The following STRIP2 variants were observed in gnomAD, a reference collection of about 807,000 sequenced individuals.
STRIP2 encodes the protein striatin interacting protein 2, also known as striatin-interacting protein 2.
STRIP2 carries 84 observed loss-of-function variants against 107.1 expected under a neutral mutation model. That is an observed-to-expected ratio of 0.78 (90% CI 0.66 to 0.94). The LOEUF (loss-of-function observed/expected upper bound fraction) is 0.94, where lower values mean the gene tolerates loss of function less well. Among genes scored for constraint, STRIP2 ranks in the 40% least tolerant of loss-of-function variants. STRIP2 has a pLI of 0.00. For synonymous variants in STRIP2, 394 were observed against 400.4 expected (o/e 0.98, Z 0.19); for missense variants, 888 against 1,034.2 (o/e 0.86, Z 1.94).
chr7:129,477,780 G>A (rs1744598162), intron 18 of STRIP2: 2 of 245,968 alleles, frequency 8.1e-6, no homozygotes, highest in Non-Finnish European at 8.1e-6. Flanking sequence ...TAATGAGGTG[G>A]GTGATGCCAG....
intron 15 of STRIP2, 94 bp from the exon 16 acceptor site, chr7:129,464,518 C>T: frequency 7.1e-7 from 1 of 1,404,258 alleles, no homozygotes; most frequent in Non-Finnish European, 9.8e-7. Context: ...TTCTGGCTCT[C>T]TTGTGTATAT....
At chr7:129,459,278 G>A (rs1798460601) in intron 11 of STRIP2, among the ~76,000 whole-genome samples, 1 of 152,158 alleles carries the variant, frequency 6.6e-6, no homozygotes, top group South Asian at 2.1e-4. Flanking sequence ...CCTACACCAA[G>A]TGAGTACCCA....
intron 13 of STRIP2, 60 bp from the exon 14 acceptor site, chr7:129,462,906 A>C: frequency 6.8e-7 from 1 of 1,463,954 alleles, no homozygotes; most frequent in Non-Finnish European, 9.5e-7. Flanking sequence ...ACAACCAAGA[A>C]AAAAAAGCCT....
chr7:129,447,693 T>C (rs928333004), intron 3 of STRIP2, among the ~76,000 whole-genome samples: 2 of 152,240 alleles, frequency 1.3e-5, no homozygotes, highest in Non-Finnish European at 2.9e-5. Context: ...GCGGGCCTTA[T>C]GGACAGGAAT....
rs552856469 is a variant in STRIP2, at chr7:129,479,600, C to T, written c.1945-1185C>T. ...TGCCTCCTGGGTTCAAGTGATTCTC[C>T]TGCCTCAGCCTCCCAAGTAGCTGGG... On this transcript the variant is annotated intron_variant, in intron 18 of 20. Transcript: ENST00000249344. Among the ~76,000 whole-genome samples the T allele has an allele frequency of 3.2e-4, 49 of 151,344 alleles. 2 individuals are homozygous for T. In the South Asian group the frequency reaches 7.5e-3, roughly 23 times the overall value.
chr7:129,463,029 C>T lies in STRIP2; in HGVS notation c.1540C>T (p.Pro514Ser). Reference sequence around the variant, plus strand: ...CTACCAGGGAATGCTGTACAGCCTTCCGCAGTATATGGTAAGGAGATGGCT... The same window carrying T: ...CTACCAGGGAATGCTGTACAGCCTTTCGCAGTATATGGTAAGGAGATGGCT... ...ILYQGMLYSLPQYMIALLKIL... is the reference protein window; with the variant it reads ...ILYQGMLYSLSQYMIALLKIL... The change falls in exon 14 of 21, where the codon CCG becomes TCG. Residue 514 changes from proline (P) to serine (S), a missense_variant. Pro to Ser is a moderately conservative substitution (Grantham distance 74, BLOSUM62 -1). Coordinates refer to ENST00000249344, the MANE Select transcript of STRIP2 (RefSeq NM_020704.3). 1 of 1,613,716 alleles carries T rather than the reference C, an allele frequency of 6.2e-7. No homozygotes were observed. The highest frequency in any genetic ancestry group is 8.5e-7 in the Non-Finnish European group (1 of 1,179,682).
chr7:129,453,103 A>G, intron 4 of STRIP2, 124 bp from the exon 5 acceptor site: 2 of 1,406,114 alleles, frequency 1.4e-6, no homozygotes, highest in Non-Finnish European at 9.7e-7. Flanking sequence ...GGCCCCTGTC[A>G]TACCTATGTC....
At chr7:129,468,062 G>C (rs1798711909) in intron 17 of STRIP2, among the ~76,000 whole-genome samples, 2 of 152,148 alleles carry the variant, frequency 1.3e-5, no homozygotes, top group Admixed American at 6.6e-5. Flanking sequence ...ATCAGAGGCA[G>C]GATCAGAACA....
rs1798295075 is a variant in STRIP2, at chr7:129,454,665, C to T, written c.706+138C>T. On this transcript the variant is annotated intron_variant, in intron 7 of 20. Transcript: ENST00000249344. ...AATTAATGTCCTTTCTTTTAGGACA[C>T]AGATACTGCATGGCAGGCACAAGGG... 9 of 645,152 alleles carry T rather than the reference C, an allele frequency of 1.4e-5. No individual in the cohort carries two copies. In the South Asian group the frequency reaches 1.7e-4, roughly 12 times the overall value. The allele number at this position is 645,152 out of a possible 1,614,324, so 40.0% of individuals were successfully genotyped here. A position where few individuals can be genotyped will look rare whatever the true frequency, so the allele number is the denominator to read the frequency against.
Position 129,456,141 on chromosome 7 carries a change from C to CTTTT in STRIP2, c.835-293_835-290dup, listed in dbSNP as rs775446984. Among the ~76,000 whole-genome samples, 30 of 80,982 alleles carry CTTTT rather than the reference C, an allele frequency of 3.7e-4. 6 individuals carry two copies. Among genetic ancestry groups the CTTTT allele is most frequent in the Non-Finnish European group, 4.1e-4 (15 of 36,786 alleles). The allele number at this position is 80,982 out of a possible 152,430, so 53.1% of individuals were successfully genotyped here. A position where few individuals can be genotyped will look rare whatever the true frequency, so the allele number is the denominator to read the frequency against. ...TGTTCCTTAAAAAAGTCGATAGTTTCTTTTTTTTCTTTTTTTTTTTTTTTG... is the reference window on the plus strand; with the variant it reads ...TGTTCCTTAAAAAAGTCGATAGTTTCTTTTTTTTTTTTCTTTTTTTTTTTTTTTG... On this transcript the variant is annotated intron_variant, in intron 8 of 20. Transcript: ENST00000249344.
At position 129,487,416 on chromosome 7, in the gene STRIP2, T is replaced by C. The variant is rs1415955627; in HGVS notation, c.*1587T>C. 1 of 152,186 alleles carries C rather than the reference T, an allele frequency of 6.6e-6. No individual in the cohort carries two copies. The highest frequency in any genetic ancestry group is 6.5e-5 in the Admixed American group (1 of 15,268). 9.4% of individuals were successfully genotyped at this position (152,186 alleles called of 1,614,324 possible). Reference sequence around the variant, plus strand: ...GGTCACTTTATGCTGGGTGATATAGTCAAAATTTGCTTATTTACTCTGCCC... The same window carrying C: ...GGTCACTTTATGCTGGGTGATATAGCCAAAATTTGCTTATTTACTCTGCCC... On this transcript the variant is annotated 3_prime_UTR_variant, in exon 21 of 21. Transcript: ENST00000249344.
chr7:129,471,917 A>C (rs940487067), intron 18 of STRIP2, among the ~76,000 whole-genome samples: 3 of 152,180 alleles, frequency 2.0e-5, no homozygotes, highest in African/African-American at 7.2e-5. Flanking sequence ...TCCTACAGAG[A>C]AGTAATAAAT....
At chr7:129,462,350 A>G (rs1009212912) in intron 13 of STRIP2, among the ~76,000 whole-genome samples, 3 of 152,148 alleles carry the variant, frequency 2.0e-5, no homozygotes, top group Admixed American at 2.0e-4. Flanking sequence ...TTGTAGGAGG[A>G]AGGGAACTGC....
At chr7:129,435,116 C>T (rs915346365) in intron 1 of STRIP2, among the ~76,000 whole-genome samples, 4 of 152,192 alleles carry the variant, frequency 2.6e-5, no homozygotes, top group African/African-American at 9.6e-5. Flanking sequence ...TCCCCTTCCC[C>T]CCGTAAGTCT....
Position 129,444,040 on chromosome 7 carries a change from T to G in STRIP2, c.216T>G (p.Thr72=). Residue 72 remains threonine, a synonymous_variant, in exon 3 of 21, where the codon ACT becomes ACG. Transcript: ENST00000249344. ...AAELSELYSY[T]ENLEFTNNRR... Reference sequence around the variant, plus strand: ...CTGCCACAGAATTGTATAGTTACACTGAGAACCTGGAATTCACCAATAACA... The same window carrying G: ...CTGCCACAGAATTGTATAGTTACACGGAGAACCTGGAATTCACCAATAACA... The G allele has an allele frequency of 3.7e-6, 6 of 1,613,684 alleles. No individual in the cohort carries two copies. The highest frequency in any genetic ancestry group is 5.1e-6 in the Non-Finnish European group (6 of 1,179,620).
intron 3 of STRIP2, among the ~76,000 whole-genome samples, chr7:129,449,076 C>T (rs892793203): frequency 2.0e-5 from 3 of 152,160 alleles, no homozygotes; most frequent in Admixed American, 6.5e-5. Flanking sequence ...ATCTTTTAAT[C>T]CATAATTCAG....
chr7:129,475,926 T>C (rs1247147759), intron 18 of STRIP2, among the ~76,000 whole-genome samples: 2 of 152,206 alleles, frequency 1.3e-5, no homozygotes, highest in Non-Finnish European at 2.9e-5. Flanking sequence ...GAATTTCTCC[T>C]AGTACAGAAC....
At chr7:129,453,417 T>C in intron 5 of STRIP2, 70 bp downstream of exon 5, 1 of 1,589,830 alleles carries the variant, frequency 6.3e-7, no homozygotes, top group Non-Finnish European at 8.6e-7. Flanking sequence ...TGTTCTATGC[T>C]GCTTCCCTCA....
chr7:129,459,365 G>A (rs1290318366), intron 11 of STRIP2, 152 bp from the exon 12 acceptor site: 4 of 668,426 alleles, frequency 6.0e-6, no homozygotes, highest in African/African-American at 5.4e-5. Flanking sequence ...AAGCACTGAT[G>A]TGGGACCTAC....
Sources: gnomAD v4.1 joint callset for allele counts (sites outside exome capture counted in the v4.1 genomes callset) on GRCh38, gnomAD v4.1.1 for gene constraint, MANE v1.5 for transcripts, NCBI Gene and HGNC (gene_info 2026-07-23, HGNC 2026-07-21) for gene names.